The following CNNM1 variants were observed in gnomAD, a reference collection of about 807,000 sequenced individuals.
CNNM1 encodes the protein metal transporter CNNM1.
Under a neutral mutation model 78.8 loss-of-function variants are expected in CNNM1, and 44 were observed. The ratio of observed to expected loss-of-function variants is 0.56; its 90% CI spans 0.44 to 0.72. The LOEUF (loss-of-function observed/expected upper bound fraction) is 0.72, where lower values mean the gene tolerates loss of function less well. Among genes scored for constraint, CNNM1 ranks in the 30% least tolerant of loss-of-function variants. CNNM1 has a pLI of 0.00. For synonymous variants in CNNM1, 584 were observed against 581.5 expected (o/e 1.00, Z -0.06); for missense variants, 1,101 against 1,292.2 (o/e 0.85, Z 2.27).
chr10:99,329,400 G>A lies in CNNM1; in HGVS notation c.13G>A (p.Ala5Thr), dbSNP rs928624913. The change falls in exon 1 of 11, where the codon GCG becomes ACG. Residue 5 changes from alanine (A) to threonine (T), a missense_variant. Around this residue, in one of 3 missense-constraint regions of CNNM1, gnomAD observed 476 missense variants for 484.5 expected, o/e 0.98. Coordinates refer to ENST00000356713, the MANE Select transcript of CNNM1 (RefSeq NM_020348.3). MAAA[A>T]AAAAAVGVRL... Reference sequence around the variant, plus strand: ...CGCTGGGTGCAGGATGGCGGCGGCCGCGGCGGCGGCAGCAGCGGTGGGTGT... The same window carrying A: ...CGCTGGGTGCAGGATGGCGGCGGCCACGGCGGCGGCAGCAGCGGTGGGTGT... The A allele has an allele frequency of 4.0e-5, 32 of 796,826 alleles. No individual in the cohort carries two copies. The highest frequency in any genetic ancestry group is 5.8e-5 in the Non-Finnish European group (31 of 531,540). 49.4% of individuals were successfully genotyped at this position (796,826 alleles called of 1,614,324 possible).
At chr10:99,338,667 A>T (rs1257683362) in intron 1 of CNNM1, among the ~76,000 whole-genome samples, 3 of 152,200 alleles carry the variant, frequency 2.0e-5, no homozygotes, top group African/African-American at 7.2e-5. Flanking sequence ...TAGAAAAAAG[A>T]AGTATGAAAA....
At chr10:99,336,728 A>T (rs571070177) in intron 1 of CNNM1, among the ~76,000 whole-genome samples, 1 of 152,322 alleles carries the variant, frequency 6.6e-6, no homozygotes, top group Non-Finnish European at 1.5e-5. Context: ...GCACTTTGGG[A>T]GGCCGAGACA....
At position 99,330,323 on chromosome 10, in the gene CNNM1, C is replaced by A; in HGVS notation, c.936C>A (p.Thr312=). 6.3e-7 allele frequency: 1 copy of A among 1,597,336 alleles called. No individual in the cohort carries two copies. The highest frequency in any genetic ancestry group is 1.1e-5 in the South Asian group (1 of 88,048). Residue 312 remains threonine, a synonymous_variant, in exon 1 of 11, where the codon ACC becomes ACA. Transcript: ENST00000356713. ...CGCTGCCGCCGGGCTTCGGGGGCAC[C>A]GGGGAAGACTACAGCGAAGAGGGGA... ...YTSLPPGFGG[T]GEDYSEEGIH...
chr10:99,345,685 C>A (rs1422635808), intron 1 of CNNM1, among the ~76,000 whole-genome samples: 1 of 152,208 alleles, frequency 6.6e-6, no homozygotes, highest in Non-Finnish European at 1.5e-5. Flanking sequence ...CCCAGGCAGT[C>A]TCCAAGACCA....
intron 1 of CNNM1, among the ~76,000 whole-genome samples, chr10:99,350,879 G>A (rs1450631720): frequency 6.6e-6 from 1 of 152,012 alleles, no homozygotes; most frequent in Non-Finnish European, 1.5e-5. Context: ...GGAGGGGACT[G>A]TCCTGTGCAT....
rs1183148959 is a variant in CNNM1 at position 99,330,226 on chromosome 10, C to A, written c.839C>A (p.Thr280Asn). The change falls in exon 1 of 11, where the codon ACC becomes AAC. Residue 280 changes from threonine (T) to asparagine (N), a missense_variant. Transcript: ENST00000356713. ...RRVQAVRGRG[T>N]HLLCTLLLGQ... Reference sequence around the variant, plus strand: ...GTGCAGGCCGTTCGCGGCAGGGGGACCCATCTGCTCTGCACCCTACTCCTG... The same window carrying A: ...GTGCAGGCCGTTCGCGGCAGGGGGAACCATCTGCTCTGCACCCTACTCCTG... The A allele has an allele frequency of 6.6e-7, 1 of 1,522,826 alleles. No homozygotes were observed. Among genetic ancestry groups the A allele is most frequent in the Non-Finnish European group, 8.8e-7 (1 of 1,138,060 alleles). 94.3% of individuals were successfully genotyped at this position (1,522,826 alleles called of 1,614,324 possible). A position where few individuals can be genotyped will look rare whatever the true frequency, so the allele number is the denominator to read the frequency against.
intron 1 of CNNM1, among the ~76,000 whole-genome samples, chr10:99,339,776 C>G (rs1015075268): frequency 3.4e-4 from 52 of 152,168 alleles, no homozygotes; most frequent in African/African-American, 1.3e-3. Context: ...ACAATGTGAC[C>G]TTTTCACTGC....
chr10:99,384,121 C>T lies in CNNM1; in HGVS notation c.2341-3699C>T, dbSNP rs1201772993. 3.3e-5 allele frequency among the ~76,000 whole-genome samples: 5 copies of T among 151,978 alleles called. No homozygotes were observed. The East Asian group carries it at 9.6e-4, about 29-fold the overall frequency. On this transcript the variant is annotated intron_variant, in intron 7 of 10. Coordinates refer to ENST00000356713, the MANE Select transcript of CNNM1 (RefSeq NM_020348.3). Reference sequence around the variant, plus strand: ...TGACTACTAGAAAACTTTGAATTACCGACGGGACTCACGTTACATTTCTCT... The same window carrying T: ...TGACTACTAGAAAACTTTGAATTACTGACGGGACTCACGTTACATTTCTCT...
chr10:99,359,004 C>CAAAAAAAAAAAA (rs769541046), intron 2 of CNNM1, among the ~76,000 whole-genome samples: 1 of 51,516 alleles, frequency 1.9e-5, no homozygotes, highest in African/African-American at 7.1e-5. Context: ...AAGACTGTCT[C>CAAAAAAAAAAAA]AAAAAAAAAA....
At chr10:99,381,753 A>G (rs568896602) in intron 7 of CNNM1, among the ~76,000 whole-genome samples, 1 of 151,066 alleles carries the variant, frequency 6.6e-6, no homozygotes, top group Admixed American at 6.5e-5. Context: ...CAAAAAAAAA[A>G]ACCAAAAAAC....
intron 1 of CNNM1, among the ~76,000 whole-genome samples, chr10:99,349,739 G>T (rs997148629): frequency 1.3e-5 from 2 of 152,144 alleles, no homozygotes; most frequent in Non-Finnish European, 2.9e-5. Context: ...AGTGGCTCAC[G>T]CCCGTAATCC....
chr10:99,333,058 G>A (rs779290666), intron 1 of CNNM1, among the ~76,000 whole-genome samples: 4 of 152,116 alleles, frequency 2.6e-5, no homozygotes, highest in African/African-American at 9.7e-5. Flanking sequence ...CTTCTGAGGC[G>A]TCTCTCCTTG....
At chr10:99,388,553 C>A (rs2032377243) in intron 9 of CNNM1, among the ~76,000 whole-genome samples, 1 of 152,160 alleles carries the variant, frequency 6.6e-6, no homozygotes. Context: ...TGGATTCAGA[C>A]CCTGGCTCCT....
chr10:99,388,249 G>T lies in CNNM1; in HGVS notation c.2622G>T (p.Glu874Asp), dbSNP rs550690765. 5 of 1,613,980 alleles carry T rather than the reference G, an allele frequency of 3.1e-6. No homozygotes were observed. In the African/African-American group the frequency reaches 6.7e-5, roughly 21 times the overall value. Residue 874 changes from glutamate to aspartate, a missense_variant, in exon 9 of 11, where the codon GAG (glutamate) becomes GAT (aspartate). Glu to Asp is a conservative substitution (Grantham distance 45, BLOSUM62 2). Transcript: ENST00000356713. ...AGGAAGAAATGACTGACTTCGAGGAGCACAGCACACAGCAGCTCACGCTGT... is the reference window on the plus strand; with the variant it reads ...AGGAAGAAATGACTGACTTCGAGGATCACAGCACACAGCAGCTCACGCTGT... ...FTQEEMTDFE[E>D]HSTQQLTLSP...
chr10:99,388,266 T>C lies in CNNM1; in HGVS notation c.2639T>C (p.Leu880Pro), dbSNP rs138832883. 973 of 1,613,826 alleles carry C rather than the reference T, an allele frequency of 6.0e-4. 16 individuals carry two copies. In the South Asian group the frequency reaches 8.7e-3, roughly 14 times the overall value. The part of the protein sequence containing the change: ...TDFEEHSTQQ[L>P]TLSPAAVPTR... ...TTCGAGGAGCACAGCACACAGCAGC[T>C]CACGCTGTCTCCTGCAGCCGTTCCC... The change falls in exon 9 of 11, where the codon CTC becomes CCC. Residue 880 changes from leucine to proline, a missense_variant. This residue lies in a region of CNNM1 where 348 missense variants were observed against 384.5 expected (regional missense o/e 0.90). Coordinates refer to ENST00000356713, the MANE Select transcript of CNNM1 (RefSeq NM_020348.3).
chr10:99,355,550 A>G (rs1030704671), intron 1 of CNNM1, among the ~76,000 whole-genome samples: 2 of 152,214 alleles, frequency 1.3e-5, no homozygotes, highest in Non-Finnish European at 2.9e-5. Context: ...GAAAGAACCA[A>G]CCAGATTTTT....
intron 3 of CNNM1, among the ~76,000 whole-genome samples, chr10:99,361,859 T>G (rs2031444704): frequency 6.6e-6 from 1 of 152,264 alleles, no homozygotes; most frequent in East Asian, 1.9e-4. Flanking sequence ...GATTAAATTA[T>G]CTGCATTTCA....
At position 99,357,688 on chromosome 10, in the gene CNNM1, C is replaced by T. The variant is rs2031271237; in HGVS notation, c.1717+33C>T. On this transcript the variant is annotated intron_variant, in intron 2 of 10. Transcript: ENST00000356713. ...CACGGCCTTGGCTGTTCTCCAGGGT[C>T]ATCTTATTTTCCTCCAAGACTCTCA... 2.6e-6 allele frequency: 4 copies of T among 1,538,592 alleles called. No individual in the cohort carries two copies. The Middle Eastern group carries it at 5.2e-4, about 198-fold the overall frequency.
chr10:99,331,137 T>G (rs948075870), intron 1 of CNNM1, among the ~76,000 whole-genome samples, 177 bp downstream of exon 1: 1 of 152,238 alleles, frequency 6.6e-6, no homozygotes, highest in Non-Finnish European at 1.5e-5. Flanking sequence ...GCCTCACTTC[T>G]TGCTCCTGAT....
Sources: gnomAD v4.1 joint callset for allele counts (sites outside exome capture counted in the v4.1 genomes callset) on GRCh38, gnomAD v4.1.1 for gene constraint, gnomAD v4.1.1 regional missense constraint, MANE v1.5 for transcripts, NCBI Gene and HGNC (gene_info 2026-07-23, HGNC 2026-07-21) for gene names.